The following CLCA2 variants were observed in gnomAD, a reference collection of about 807,000 sequenced individuals.
CLCA2 encodes chloride channel accessory 2.
A neutral mutation model predicts 82.9 loss-of-function variants in CLCA2; 85 were observed. That is an observed-to-expected ratio of 1.03 (90% confidence interval 0.86 to 1.23). The LOEUF is 1.23. Ranked by LOEUF, CLCA2 falls within the 50% of genes most tolerant of loss-of-function variation. The pLI, the probability that CLCA2 is intolerant of heterozygous loss-of-function variation, is 0.00. For missense variants in CLCA2, 1,089 were observed against 1,124.8 expected, an observed-to-expected ratio of 0.97 and a Z score of 0.45; for synonymous variants, 421 against 391.7, an observed-to-expected ratio of 1.07 and a Z score of -0.88.
intron 12 of CLCA2, 121 bp downstream of exon 12, chr1:86,450,854 T>G (rs1662949487): frequency 1.2e-6 from 1 of 839,166 alleles, no homozygotes; most frequent in South Asian, 3.4e-5. Flanking sequence ...CTCTTTACGC[T>G]TAAGTCCATA....
chr1:86,439,424 T>C (rs1662679427), intron 7 of CLCA2, among the ~76,000 whole-genome samples: 2 of 152,214 alleles, frequency 1.3e-5, no homozygotes, highest in African/African-American at 4.8e-5. Context: ...TTCCTAGCCA[T>C]TCTGGGCCAT....
rs371154663 is a variant in CLCA2 at position 86,430,895 on chromosome 1, G to A, written c.509G>A (p.Arg170His). 1.4e-5 allele frequency: 23 copies of A among 1,613,762 alleles called. No homozygotes were observed. The highest frequency in any genetic ancestry group is 2.7e-5 in the African/African-American group (2 of 75,010). ...TTTGTCCATGAATGGGCCCACCTCC[G>A]TTGGGGTGTGTTCGATGAGTATAAC... ...RVFVHEWAHL[R>H]WGVFDEYNND... The change falls in exon 4 of 14, where the codon CGT becomes CAT. Residue 170 changes from arginine to histidine, a missense_variant. Coordinates refer to ENST00000370565, the MANE Select transcript of CLCA2 (RefSeq NM_006536.7).
chr1:86,430,738 T>C, intron 3 of CLCA2, 124 bp from the exon 4 acceptor site: 1 of 720,804 alleles, frequency 1.4e-6, no homozygotes, highest in Non-Finnish European at 2.5e-6. Context: ...GAGAGGGAAG[T>C]AACTTAAACT....
rs549962780 is a variant in CLCA2, at chr1:86,428,709, A to G, written c.475+141A>G. 21 of 871,996 alleles carry G rather than the reference A, an allele frequency of 2.4e-5. No individual in the cohort carries two copies. The South Asian group carries it at 4.2e-4, about 17-fold the overall frequency. The allele number at this position is 871,996 out of a possible 1,614,324, so 54.0% of individuals were successfully genotyped here. ...AAAGGGGGAGATAGGTCATATGCCC[A>G]TGCAAAGATGAGGGGCTAAAGTGAA... On this transcript the variant is annotated intron_variant, in intron 3 of 13. Transcript: ENST00000370565.
chr1:86,437,330 C>T (rs761582452), intron 6 of CLCA2, among the ~76,000 whole-genome samples: 1 of 152,168 alleles, frequency 6.6e-6, no homozygotes, highest in Admixed American at 6.5e-5. Context: ...ACAGGACACA[C>T]ACATGTAAAT....
intron 12 of CLCA2, among the ~76,000 whole-genome samples, chr1:86,452,711 C>T (rs766387968): frequency 8.5e-5 from 13 of 152,180 alleles, no homozygotes; most frequent in African/African-American, 2.2e-4. Flanking sequence ...TTTGATACCA[C>T]GCTAAATTAC....
intron 12 of CLCA2, 120 bp from the exon 13 acceptor site, chr1:86,453,249 A>C: frequency 1.5e-6 from 1 of 647,206 alleles, no homozygotes; most frequent in East Asian, 2.7e-5. Context: ...AAATACACTC[A>C]GTTATTCTAG....
intron 2 of CLCA2, among the ~76,000 whole-genome samples, chr1:86,426,067 C>T (rs558266773): frequency 3.0e-4 from 46 of 151,960 alleles, no homozygotes; most frequent in Non-Finnish European, 5.1e-4. Flanking sequence ...AGGAACTTCA[C>T]CTTGAAAGGC....
chr1:86,438,205 C>T (rs1194850147), intron 6 of CLCA2, among the ~76,000 whole-genome samples: 1 of 152,182 alleles, frequency 6.6e-6, no homozygotes, highest in Non-Finnish European at 1.5e-5. Context: ...CTTGCTGCTC[C>T]TCTCTTTTCC....
At chr1:86,435,628 C>T (rs1441313448) in intron 6 of CLCA2, among the ~76,000 whole-genome samples, 1 of 152,146 alleles carries the variant, frequency 6.6e-6, no homozygotes, top group African/African-American at 2.4e-5. Context: ...AGCATGATGG[C>T]CCCTCTGAAG....
Position 86,434,701 on chromosome 1 carries a change from A to C in CLCA2, c.928A>C (p.Lys310Gln). Reference protein sequence around the residue: ...PTFSLVQAGDKVVCLVLDVSS... With the variant: ...PTFSLVQAGDQVVCLVLDVSS... ...ATTCTCGCTTGTACAGGCTGGTGAC[A>C]AAGTGGTCTGTTTAGTGCTGGATGT... Residue 310 changes from lysine to glutamine, a missense_variant, in exon 6 of 14, where the codon AAA becomes CAA. Coordinates refer to ENST00000370565, the MANE Select transcript of CLCA2 (RefSeq NM_006536.7). The C allele has an allele frequency of 1.2e-6, 2 of 1,614,114 alleles. No homozygotes were observed. Among genetic ancestry groups the C allele is most frequent in the Non-Finnish European group, 1.7e-6 (2 of 1,179,950 alleles).
chr1:86,436,419 T>A (rs1365076910), intron 6 of CLCA2, among the ~76,000 whole-genome samples: 1 of 152,234 alleles, frequency 6.6e-6, no homozygotes, highest in Non-Finnish European at 1.5e-5. Flanking sequence ...AAAACTGTTA[T>A]TAAACATTTA....
intron 6 of CLCA2, among the ~76,000 whole-genome samples, chr1:86,435,470 A>G (rs1343167662): frequency 6.6e-6 from 1 of 152,220 alleles, no homozygotes; most frequent in East Asian, 1.9e-4. Context: ...TTTCCATGTC[A>G]TTGTGTACAG....
Position 86,455,247 on chromosome 1 carries a change from AG to A in CLCA2, c.2553del (p.Gln851HisfsTer53). On this transcript the variant is annotated frameshift_variant, in exon 14 of 14. Transcript: ENST00000370565. LOFTEE classifies it low-confidence loss of function (END_TRUNC). ...PQISTNGPEH[Q>X]PNGETHESHR... Reference sequence around the variant, plus strand: ...ATTTCCACGAATGGACCTGAACATCAGCCAAATGGAGAAACACATGAAAGCC... The same window carrying A: ...ATTTCCACGAATGGACCTGAACATCACCAAATGGAGAAACACATGAAAGCC... 1 of 1,614,176 alleles carries A rather than the reference AG, an allele frequency of 6.2e-7. No homozygotes were observed. The highest frequency in any genetic ancestry group is 8.5e-7 in the Non-Finnish European group (1 of 1,180,032).
chr1:86,455,478 G>A lies in CLCA2; in HGVS notation c.2783G>A (p.Ser928Asn), dbSNP rs751147797. The A allele has an allele frequency of 2.6e-6, 4 of 1,512,758 alleles. No homozygotes were observed. The highest frequency in any genetic ancestry group is 3.6e-4 in the Middle Eastern group (2 of 5,630). The allele number at this position is 1,512,758 out of a possible 1,614,324, so 93.7% of individuals were successfully genotyped here. A position where few individuals can be genotyped will look rare whatever the true frequency, so the allele number is the denominator to read the frequency against. Residue 928 changes from serine to asparagine, a missense_variant, in exon 14 of 14, where the codon AGC (serine) becomes AAC (asparagine). Physicochemically the swap from Ser to Asn is conservative, Grantham distance 46. Transcript: ENST00000370565. ...ATAGTTGTGACACATCATACTTTAA[G>A]CAGGAAAAAGAGAGCAGACAAGAAA... is the stretch of plus-strand genomic sequence containing the variant. ...LIIVVTHHTL[S>N]RKKRADKKEN...
At chr1:86,451,052 T>C (rs1187323397) in intron 12 of CLCA2, among the ~76,000 whole-genome samples, 1 of 152,200 alleles carries the variant, frequency 6.6e-6, no homozygotes, top group East Asian at 1.9e-4. Flanking sequence ...TGCTTCCGTG[T>C]TTCCTCTATA....
chr1:86,453,906 A>G (rs1558121673), intron 13 of CLCA2, among the ~76,000 whole-genome samples: 2 of 152,184 alleles, frequency 1.3e-5, no homozygotes, highest in Non-Finnish European at 2.9e-5. Context: ...GCTTCCCAGT[A>G]CTGGAAGTGA....
chr1:86,436,248 A>G (rs978792461), intron 6 of CLCA2, among the ~76,000 whole-genome samples: 7 of 152,202 alleles, frequency 4.6e-5, no homozygotes, highest in African/African-American at 9.6e-5. Flanking sequence ...CTGTGCACTC[A>G]GTGACATCAC....
At position 86,455,986 on chromosome 1, in the gene CLCA2, G is replaced by A. The variant is rs1275361285; in HGVS notation, c.*459G>A. ...GATCATGCTATATTTTATATATGAAGCCCCTAATGCAAAGCTCTTTACCTC... is the reference window on the plus strand; with the variant it reads ...GATCATGCTATATTTTATATATGAAACCCCTAATGCAAAGCTCTTTACCTC... On this transcript the variant is annotated 3_prime_UTR_variant, in exon 14 of 14. Transcript: ENST00000370565. 1 of 152,180 alleles carries A rather than the reference G, an allele frequency of 6.6e-6. No individual in the cohort carries two copies. The highest frequency in any genetic ancestry group is 1.5e-5 in the Non-Finnish European group (1 of 68,050). The allele number at this position is 152,180 out of a possible 1,614,324, so 9.4% of individuals were successfully genotyped here. A position where few individuals can be genotyped will look rare whatever the true frequency, so the allele number is the denominator to read the frequency against.
Sources: allele counts gnomAD v4.1 joint callset (sites outside exome capture counted in the v4.1 genomes callset), GRCh38; gene constraint gnomAD v4.1.1; transcripts MANE v1.5; gene names NCBI Gene and HGNC (gene_info 2026-07-23, HGNC 2026-07-21).